Variants in CDH12 observed in about 807,000 individuals in gnomAD.
The protein encoded by CDH12 is cadherin 12.
Under a neutral mutation model 74.1 loss-of-function variants are expected in CDH12, and 41 were observed. That is an observed-to-expected ratio of 0.55 (90% confidence interval 0.43 to 0.72). The LOEUF is 0.72. CDH12 is among the 30% of genes least tolerant of loss of function. The pLI, the probability that CDH12 is intolerant of heterozygous loss-of-function variation, is 0.00. For synonymous variants in CDH12, 399 were observed against 355.0 expected, an observed-to-expected ratio of 1.12 and a Z score of -1.39; for missense variants, 945 against 977.2, an observed-to-expected ratio of 0.97 and a Z score of 0.44.
intron 6 of CDH12, among the ~76,000 whole-genome samples, chr5:21,967,494 C>A (rs535734805): frequency 6.6e-6 from 1 of 152,146 alleles, no homozygotes; most frequent in East Asian, 1.9e-4. Flanking sequence ...TGTTGTGAAC[C>A]ACTCTGTGGC....
At chr5:22,303,326 T>A (rs1737970116) in intron 3 of CDH12, among the ~76,000 whole-genome samples, 1 of 152,136 alleles carries the variant, frequency 6.6e-6, no homozygotes, top group Admixed American at 6.5e-5. Context: ...ATTAGTTTAT[T>A]GTTTAGGTTT....
chr5:21,880,615 CCTT>C (rs1752255064), intron 6 of CDH12, among the ~76,000 whole-genome samples: 1 of 84,658 alleles, frequency 1.2e-5, no homozygotes, highest in African/African-American at 4.7e-5. Context: ...TTCCTTCCTT[CCTT>C]CTTTCTTTCT....
At chr5:22,372,501 G>T (rs1033602720) in intron 3 of CDH12, among the ~76,000 whole-genome samples, 5 of 152,100 alleles carry the variant, frequency 3.3e-5, no homozygotes, top group Non-Finnish European at 7.4e-5. Context: ...GGTGTTTGTT[G>T]TTCCAGAGGG....
At chr5:21,828,686 T>C (rs1266094595) in intron 8 of CDH12, among the ~76,000 whole-genome samples, 1 of 152,184 alleles carries the variant, frequency 6.6e-6, no homozygotes, top group East Asian at 1.9e-4. Flanking sequence ...TTTTCTGTCT[T>C]TTCCCGCATT....
intron 4 of CDH12, among the ~76,000 whole-genome samples, chr5:22,146,047 A>T (rs1387047355): frequency 6.6e-6 from 1 of 151,918 alleles, no homozygotes; most frequent in Non-Finnish European, 1.5e-5. Context: ...TTACCAAAAT[A>T]TGATTCTGGT....
intron 6 of CDH12, among the ~76,000 whole-genome samples, chr5:21,931,239 T>A (rs1460041684): frequency 6.6e-6 from 1 of 152,052 alleles, no homozygotes; most frequent in Non-Finnish European, 1.5e-5. Context: ...ACACTGAAAG[T>A]TGTGATAGAG....
chr5:22,580,511 G>A (rs147535504), intron 1 of CDH12: 6,345 of 481,080 alleles, frequency 0.013, 76 homozygotes, highest in Non-Finnish European at 0.017. Flanking sequence ...GTGAGCCGGG[G>A]ACTTCAGGAA....
intron 3 of CDH12, among the ~76,000 whole-genome samples, chr5:22,332,570 A>T (rs1739394455): frequency 2.0e-5 from 3 of 152,196 alleles, no homozygotes; most frequent in East Asian, 1.9e-4. Flanking sequence ...TACCCATCTG[A>T]TAAAGGTCTA....
intron 1 of CDH12, among the ~76,000 whole-genome samples, chr5:22,688,329 T>C (rs770314198): frequency 1.3e-5 from 2 of 152,244 alleles, no homozygotes; most frequent in Non-Finnish European, 2.9e-5. Context: ...TTAACATGTT[T>C]AAAGCATTTT....
chr5:22,164,469 C>A (rs180701561), intron 4 of CDH12, among the ~76,000 whole-genome samples: 7 of 152,102 alleles, frequency 4.6e-5, no homozygotes, highest in Non-Finnish European at 8.8e-5. Context: ...TGGAAGTCAG[C>A]GGAGGGTCTG....
At chr5:22,678,544 A>C (rs758628086) in intron 1 of CDH12, among the ~76,000 whole-genome samples, 62 of 152,244 alleles carry the variant, frequency 4.1e-4, no homozygotes, top group Admixed American at 2.0e-3. Context: ...AAACATGCCC[A>C]TTCTAGTGGT....
chr5:22,572,411 A>C (rs1055155652), intron 1 of CDH12, among the ~76,000 whole-genome samples: 5 of 152,140 alleles, frequency 3.3e-5, no homozygotes, highest in Admixed American at 6.6e-5. Flanking sequence ...TCATTACTTA[A>C]ATGCAATGAA....
intron 2 of CDH12, among the ~76,000 whole-genome samples, chr5:22,418,789 C>T (rs535529994): frequency 2.0e-4 from 30 of 152,126 alleles, no homozygotes; most frequent in East Asian, 7.8e-4. Context: ...GAGGCTGAGG[C>T]AGGAGAATTG....
intron 2 of CDH12, among the ~76,000 whole-genome samples, chr5:22,479,519 T>C (rs1364848403): frequency 6.6e-6 from 1 of 152,150 alleles, no homozygotes; most frequent in African/African-American, 2.4e-5. Flanking sequence ...GGAAAAGACA[T>C]CTATCTTAAA....
intron 1 of CDH12, among the ~76,000 whole-genome samples, chr5:22,692,402 A>G (rs1742129713): frequency 6.6e-6 from 1 of 152,142 alleles, no homozygotes; most frequent in South Asian, 2.1e-4. Context: ...TGGCTTCTTC[A>G]CATCATGGAT....
intron 2 of CDH12, among the ~76,000 whole-genome samples, chr5:22,462,307 A>G (rs1412567303): frequency 6.6e-6 from 1 of 152,190 alleles, no homozygotes; most frequent in African/African-American, 2.4e-5. Flanking sequence ...AGGAGAAAGT[A>G]GTTAAAACCA....
At chr5:22,387,127 C>A (rs1742031059) in intron 3 of CDH12, among the ~76,000 whole-genome samples, 1 of 151,780 alleles carries the variant, frequency 6.6e-6, no homozygotes, top group Admixed American at 6.6e-5. Flanking sequence ...TTATCCTGTG[C>A]CTAGAAAATA....
chr5:22,512,238 G>C (rs1342291039), intron 1 of CDH12, among the ~76,000 whole-genome samples: 2 of 152,132 alleles, frequency 1.3e-5, no homozygotes, highest in Non-Finnish European at 2.9e-5. Context: ...CTTACAAAGT[G>C]ATAAGAGTAG....
intron 4 of CDH12, among the ~76,000 whole-genome samples, chr5:22,091,758 C>T (rs779304185): frequency 1.3e-5 from 2 of 151,772 alleles, no homozygotes; most frequent in Non-Finnish European, 2.9e-5. Flanking sequence ...CAGTCTTATA[C>T]AAAAAAGTAA....
Sources: allele counts gnomAD v4.1 joint callset (sites outside exome capture counted in the v4.1 genomes callset), GRCh38; gene constraint gnomAD v4.1.1; transcripts MANE v1.5; gene names NCBI Gene and HGNC (gene_info 2026-07-23, HGNC 2026-07-21).